Variants in ARVCF observed in about 807,000 individuals in gnomAD.
ARVCF encodes ARVCF delta catenin family member.
ARVCF carries 66 observed loss-of-function variants against 90.9 expected under a neutral mutation model. The observed-to-expected ratio is 0.73, with a 90% CI of 0.60 to 0.89. The LOEUF is 0.89. Among genes scored for constraint, ARVCF ranks in the 40% least tolerant of loss-of-function variants. The probability of loss-of-function intolerance (pLI) is 0.00; values close to 1 mark genes in which losing one functional copy is unlikely to be tolerated. For missense variants in ARVCF, 1,469 were observed against 1,382.3 expected (o/e 1.06, Z -1.00); for synonymous variants, 653 against 603.4 (o/e 1.08, Z -1.21).
intron 3 of ARVCF, 88 bp from the exon 4 acceptor site, chr22:19,982,179 C>T: frequency 6.5e-7 from 1 of 1,529,646 alleles, no homozygotes; most frequent in South Asian, 1.2e-5. Flanking sequence ...TCTGCCTCAG[C>T]TCATGCTGGC....
chr22:19,999,357 C>T (rs1162148541), intron 2 of ARVCF, among the ~76,000 whole-genome samples: 4 of 152,312 alleles, frequency 2.6e-5, no homozygotes, highest in Admixed American at 2.6e-4. Flanking sequence ...CGAGGAGGCA[C>T]TGGCCCAGGG....
chr22:19,980,401 G>T, intron 5 of ARVCF, 159 bp from the exon 6 acceptor site: 1 of 1,132,848 alleles, frequency 8.8e-7, no homozygotes, highest in Non-Finnish European at 1.2e-6. Flanking sequence ...GACACAGAGA[G>T]TCATGCACCA....
intron 2 of ARVCF, among the ~76,000 whole-genome samples, chr22:19,993,509 G>T (rs899733165): frequency 6.6e-6 from 1 of 152,204 alleles, no homozygotes; most frequent in Non-Finnish European, 1.5e-5. Flanking sequence ...GGGAAGGCTA[G>T]GAAGGGGGAC....
At chr22:20,016,086 G>A (rs993932462) in intron 1 of ARVCF, among the ~76,000 whole-genome samples, 5 of 152,184 alleles carry the variant, frequency 3.3e-5, no homozygotes, top group Non-Finnish European at 7.4e-5. Context: ...CACCCCCGAG[G>A]CGGCAGGAGC....
At chr22:19,987,047 TC>T in intron 3 of ARVCF, 4 of 652,392 alleles carry the variant, frequency 6.1e-6, no homozygotes, top group African/African-American at 1.9e-5. Flanking sequence ...CGGGCCAGGG[TC>T]CCCCCAAGCC....
chr22:19,974,867 G>A (rs1004306200), intron 11 of ARVCF, among the ~76,000 whole-genome samples: 3 of 152,170 alleles, frequency 2.0e-5, no homozygotes, highest in Non-Finnish European at 2.9e-5. Flanking sequence ...CTGAGGCGCC[G>A]TCCTGCTGCT....
intron 1 of ARVCF, among the ~76,000 whole-genome samples, chr22:20,014,846 G>T (rs1287823517): frequency 6.6e-6 from 1 of 152,176 alleles, no homozygotes; most frequent in Non-Finnish European, 1.5e-5. Context: ...TGCTCCCCCA[G>T]GCCAGACTCC....
intron 17 of ARVCF, 59 bp from the exon 18 acceptor site, chr22:19,972,030 G>C: frequency 3.4e-6 from 5 of 1,463,544 alleles, no homozygotes; most frequent in Non-Finnish European, 4.7e-6. Context: ...TGTAGGAGCA[G>C]ATCTCCCTCT....
intron 7 of ARVCF, among the ~76,000 whole-genome samples, chr22:19,978,643 G>C (rs1004084856): frequency 6.6e-6 from 1 of 152,132 alleles, no homozygotes; most frequent in Admixed American, 6.5e-5. Context: ...GTGATGGGAA[G>C]GTAGGTGAGA....
intron 2 of ARVCF, among the ~76,000 whole-genome samples, chr22:20,003,262 T>C (rs1406441255): frequency 6.6e-6 from 1 of 152,226 alleles, no homozygotes; most frequent in African/African-American, 2.4e-5. Context: ...ATGGTTTCAC[T>C]GGTGTATTCT....
downstream of ARVCF, chr22:19,969,478 G>A (rs1297928011): frequency 1.3e-5 from 2 of 152,320 alleles, no homozygotes; most frequent in African/African-American, 2.4e-5. Flanking sequence ...GCCCATGAGT[G>A]AGGATGCAGT....
At chr22:19,990,504 G>A in intron 3 of ARVCF, 81 bp downstream of exon 3, 1 of 1,470,022 alleles carries the variant, frequency 6.8e-7, no homozygotes, top group Non-Finnish European at 9.2e-7. Flanking sequence ...GCGAGCGCAT[G>A]CTGGCTTGTG....
chr22:19,990,771 C>G lies in ARVCF; in HGVS notation c.24G>C (p.Ser8=). MEDCNVH[S]AASILASVKE... ...TCACCGAGGCCAGGATGCTGGCGGC[C>G]GAGTGCACATTGCAGTCCTCCATGA... The change falls in exon 3 of 20, where the codon TCG becomes TCC. Residue 8 remains serine, a synonymous_variant. Coordinates refer to ENST00000263207, the MANE Select transcript of ARVCF (RefSeq NM_001670.3). 6.3e-7 allele frequency: 1 copy of G among 1,576,604 alleles called. No individual in the cohort carries two copies. The highest frequency in any genetic ancestry group is 8.6e-7 in the Non-Finnish European group (1 of 1,160,406).
At chr22:19,989,973 T>C (rs1391865161) in intron 3 of ARVCF, among the ~76,000 whole-genome samples, 5 of 152,200 alleles carry the variant, frequency 3.3e-5, no homozygotes, top group Admixed American at 6.5e-5. Flanking sequence ...CCAGGGGCTC[T>C]TGCTGTTTCA....
At chr22:19,990,473 C>A in intron 3 of ARVCF, 112 bp downstream of exon 3, 6 of 1,318,264 alleles carry the variant, frequency 4.6e-6, no homozygotes, top group Non-Finnish European at 6.2e-6. Context: ...TCCCCAGGAG[C>A]CCCAGCAAAT....
intron 2 of ARVCF, among the ~76,000 whole-genome samples, chr22:20,001,583 C>G (rs1308271615): frequency 6.6e-6 from 1 of 152,278 alleles, no homozygotes; most frequent in East Asian, 1.9e-4. Flanking sequence ...GTGGGAGGAT[C>G]ACCTGAGGTT....
At chr22:19,999,313 T>C (rs1246583552) in intron 2 of ARVCF, among the ~76,000 whole-genome samples, 4 of 151,868 alleles carry the variant, frequency 2.6e-5, no homozygotes, top group Non-Finnish European at 5.9e-5. Context: ...TGGGGTGGGG[T>C]TGGGGTGGGG....
intron 9 of ARVCF, 74 bp from the exon 10 acceptor site, chr22:19,976,797 T>C (rs1028997688): frequency 6.6e-7 from 1 of 1,522,410 alleles, no homozygotes; most frequent in African/African-American, 1.4e-5. Context: ...CCCCATGCCC[T>C]CCCGGAAGCC....
At chr22:20,008,836 T>C (rs1944726075) in intron 2 of ARVCF, among the ~76,000 whole-genome samples, 1 of 151,962 alleles carries the variant, frequency 6.6e-6, no homozygotes. Context: ...AATCACCACA[T>C]TCCAGATGGG....
Sources: allele counts gnomAD v4.1 joint callset (sites outside exome capture counted in the v4.1 genomes callset), GRCh38; gene constraint gnomAD v4.1.1; transcripts MANE v1.5; gene names NCBI Gene and HGNC (gene_info 2026-07-23, HGNC 2026-07-21).